Variants in AADAC observed in about 807,000 individuals in gnomAD.
AADAC encodes the protein arylacetamide deacetylase, also known as arylacetamide deacetylase (esterase).
Under a neutral mutation model 22.7 loss-of-function variants are expected in AADAC, and 17 were observed. That is an observed-to-expected ratio of 0.75 (90% CI 0.51 to 1.12). The LOEUF (loss-of-function observed/expected upper bound fraction) is 1.12, where lower values mean the gene tolerates loss of function less well. AADAC is among the 50% of genes most tolerant of loss of function. The pLI, the probability that AADAC is intolerant of heterozygous loss-of-function variation, is 0.00. For missense variants in AADAC, 465 were observed against 473.9 expected (o/e 0.98, Z 0.17); for synonymous variants, 167 against 176.3 (o/e 0.95, Z 0.42).
At position 151,826,021 on chromosome 3, in the gene AADAC, T is replaced by C. The variant is rs1370252885; in HGVS notation, c.603+1187T>C. ...TGTAGAAGGTTAGATTTTTATTAGT[T>C]GACTTTAGTTACAAACGAGGGTTCT... On this transcript the variant is annotated intron_variant, in intron 4 of 4. Transcript: ENST00000232892. Among the ~76,000 whole-genome samples the C allele has an allele frequency of 2.0e-5, 3 of 151,956 alleles. No homozygotes were observed. The East Asian group carries it at 5.8e-4, about 29-fold the overall frequency.
chr3:151,820,446 C>A lies in AADAC; in HGVS notation c.425C>A (p.Ser142Ter). 1.3e-6 allele frequency: 2 copies of A among 1,571,822 alleles called. No individual in the cohort carries two copies. The highest frequency in any genetic ancestry group is 1.2e-5 in the South Asian group (1 of 86,094). ...TADRLDAVVVSTNYRLAPKYH... is the reference protein window; with the variant it reads ...TADRLDAVVV The stretch of plus-strand genomic sequence containing the variant: ...GACAGACTTGATGCTGTCGTCGTAT[C>A]AACCAAGTAAGAGCTGTGCTGTTTG... Residue 142 changes from serine (S) to a stop codon, truncating the protein, a stop_gained, in exon 3 of 5, where the codon TCA (serine) becomes TAA (stop). Transcript: ENST00000232892. LOFTEE classifies it high-confidence loss of function.
At position 151,814,275 on chromosome 3, in the gene AADAC, C is replaced by T. The variant is rs1027318658; in HGVS notation, c.113C>T (p.Ala38Val). The T allele has an allele frequency of 6.2e-7, 1 of 1,613,026 alleles. No individual in the cohort carries two copies. Among genetic ancestry groups the T allele is most frequent in the Middle Eastern group, 1.6e-4 (1 of 6,062 alleles). The change falls in exon 1 of 5, where the codon GCA becomes GTA. Residue 38 changes from alanine (A) to valine (V), a missense_variant. By Grantham distance (64) the Ala-to-Val change is moderately conservative. Transcript: ENST00000232892. ...CCATGGAGAATGATGTGGATAAACGCACATCTGAAAACTATACAAAATTTG... is the reference window on the plus strand; with the variant it reads ...CCATGGAGAATGATGTGGATAAACGTACATCTGAAAACTATACAAAATTTG... ...EEPWRMMWIN[A>V]HLKTIQNLAT...
Position 151,814,227 on chromosome 3 carries a change from C to T in AADAC, c.65C>T (p.Pro22Leu), listed in dbSNP as rs1045743923. ...GILIAYYIYT[P>L]LPDNVEEPWR... The stretch of plus-strand genomic sequence containing the variant: ...CTCATAGCATATTATATTTATACGC[C>T]TCTCCCAGATAACGTTGAGGAGCCA... The change falls in exon 1 of 5, where the codon CCT becomes CTT. Residue 22 changes from proline (P) to leucine (L), a missense_variant. Pro to Leu is a moderately conservative substitution (Grantham distance 98). Coordinates refer to ENST00000232892, the MANE Select transcript of AADAC (RefSeq NM_001086.3). 4 of 1,612,938 alleles carry T rather than the reference C, an allele frequency of 2.5e-6. No homozygotes were observed. The highest frequency in any genetic ancestry group is 2.7e-5 in the African/African-American group (2 of 74,846).
chr3:151,826,762 A>G (rs1001269768), intron 4 of AADAC, among the ~76,000 whole-genome samples: 4 of 151,916 alleles, frequency 2.6e-5, no homozygotes, highest in African/African-American at 9.7e-5. Context: ...AACAGACTTG[A>G]TATAAAAGAT....
chr3:151,824,517 G>C, intron 3 of AADAC, 146 bp from the exon 4 acceptor site: 1 of 505,606 alleles, frequency 2.0e-6, no homozygotes. Flanking sequence ...GAAAATTAAA[G>C]AAATTATATA....
intron 1 of AADAC, 126 bp downstream of exon 1, chr3:151,814,426 C>G (rs1715895851): frequency 9.9e-7 from 1 of 1,013,374 alleles, no homozygotes; most frequent in African/African-American, 1.6e-5. Flanking sequence ...CTGCTGTGGC[C>G]TTTGACAATG....
Position 151,814,278 on chromosome 3 carries a change from A to C in AADAC, c.116A>C (p.His39Pro). The C allele has an allele frequency of 2.5e-6, 4 of 1,612,286 alleles. No individual in the cohort carries two copies. Among genetic ancestry groups the C allele is most frequent in the Non-Finnish European group, 3.4e-6 (4 of 1,179,158 alleles). ...TGGAGAATGATGTGGATAAACGCAC[A>C]TCTGAAAACTATACAAAATTTGGTA... Reference protein sequence around the residue: ...EPWRMMWINAHLKTIQNLATF... With the variant: ...EPWRMMWINAPLKTIQNLATF... The change falls in exon 1 of 5, where the codon CAT (histidine) becomes CCT (proline). Residue 39 changes from histidine to proline, a missense_variant. Coordinates refer to ENST00000232892, the MANE Select transcript of AADAC (RefSeq NM_001086.3).
chr3:151,827,903 T>C lies in AADAC; in HGVS notation c.931T>C (p.Tyr311His). The C allele has an allele frequency of 1.2e-6, 2 of 1,611,738 alleles. No homozygotes were observed. Among genetic ancestry groups the C allele is most frequent in the Non-Finnish European group, 8.5e-7 (1 of 1,178,932 alleles). Residue 311 changes from tyrosine to histidine, a missense_variant, in exon 5 of 5, where the codon TAT becomes CAT. Physicochemically the swap from Tyr to His is moderately conservative, Grantham distance 83. Transcript: ENST00000232892. ...TGGCAGTTCTGAGCTGGCTAAAAAA[T>C]ATCCAGGGTTCCTAGATGTGAGGGC... is the stretch of plus-strand genomic sequence containing the variant. Reference protein sequence around the residue: ...NYGSSELAKKYPGFLDVRAAP... With the variant: ...NYGSSELAKKHPGFLDVRAAP...
At chr3:151,821,937 T>C (rs1256573042) in intron 3 of AADAC, among the ~76,000 whole-genome samples, 1 of 151,756 alleles carries the variant, frequency 6.6e-6, no homozygotes, top group African/African-American at 2.4e-5. Flanking sequence ...AAAATATACT[T>C]TAAAATATTT....
intron 4 of AADAC, among the ~76,000 whole-genome samples, chr3:151,826,827 T>C (rs916831053): frequency 6.6e-6 from 1 of 151,980 alleles, no homozygotes; most frequent in Admixed American, 6.6e-5. Context: ...TAAAGTAACA[T>C]GTCGCTTTAG....
chr3:151,822,176 T>C (rs1400899133), intron 3 of AADAC, among the ~76,000 whole-genome samples: 2 of 151,882 alleles, frequency 1.3e-5, no homozygotes, highest in Non-Finnish European at 2.9e-5. Flanking sequence ...TTTAAAAAGA[T>C]AATAACAAGC....
intron 4 of AADAC, among the ~76,000 whole-genome samples, chr3:151,827,293 ACTTT>A (rs1338497944): frequency 6.6e-6 from 1 of 151,992 alleles, no homozygotes; most frequent in Non-Finnish European, 1.5e-5. Flanking sequence ...AAGGAGATTA[ACTTT>A]CTAATGATCA....
In AADAC at chr3:151,828,041, C is replaced by T. The variant is rs570844862; in HGVS notation, c.1069C>T (p.Arg357Cys). ...TGGACTCATGTATGTCACCCGACTT[C>T]GCAACACTGGGGTTCAGGTGACTCA... ...DDGLMYVTRL[R>C]NTGVQVTHNH... The change falls in exon 5 of 5, where the codon CGC (arginine) becomes TGC (cysteine). Residue 357 changes from arginine to cysteine, a missense_variant. Coordinates refer to ENST00000232892, the MANE Select transcript of AADAC (RefSeq NM_001086.3). 2.3e-5 allele frequency: 37 copies of T among 1,613,254 alleles called. No individual in the cohort carries two copies. Among genetic ancestry groups the T allele is most frequent in the Middle Eastern group, 1.7e-4 (1 of 6,060 alleles).
intron 3 of AADAC, among the ~76,000 whole-genome samples, chr3:151,823,799 A>C (rs893611732): frequency 5.3e-5 from 8 of 152,024 alleles, no homozygotes; most frequent in African/African-American, 1.7e-4. Context: ...GCCCCAAAAA[A>C]CATGTACTAG....
At chr3:151,815,971 A>G (rs532055398) in intron 1 of AADAC, among the ~76,000 whole-genome samples, 1 of 152,036 alleles carries the variant, frequency 6.6e-6, no homozygotes, top group Non-Finnish European at 1.5e-5. Context: ...ATCCTGGTAA[A>G]TATCATTTAC....
At chr3:151,823,168 C>T (rs558130665) in intron 3 of AADAC, among the ~76,000 whole-genome samples, 12 of 151,762 alleles carry the variant, frequency 7.9e-5, no homozygotes, top group African/African-American at 2.9e-4. Context: ...ATCCCAGCTA[C>T]GCGGGAGGCT....
intron 4 of AADAC, among the ~76,000 whole-genome samples, chr3:151,825,364 G>A (rs1357947040): frequency 6.6e-6 from 1 of 151,882 alleles, no homozygotes; most frequent in Non-Finnish European, 1.5e-5. Context: ...CTGTACTCCA[G>A]CCTGGGTGAC....
At chr3:151,816,034 A>G (rs1229431207) in intron 1 of AADAC, among the ~76,000 whole-genome samples, 1 of 152,032 alleles carries the variant, frequency 6.6e-6, no homozygotes, top group African/African-American at 2.4e-5. Flanking sequence ...CACTTTCCTC[A>G]TATCTGACAT....
At chr3:151,827,503 G>A in intron 4 of AADAC, 73 bp from the exon 5 acceptor site, 1 of 931,042 alleles carries the variant, frequency 1.1e-6, no homozygotes, top group Non-Finnish European at 1.6e-6. Flanking sequence ...TAGATAGACA[G>A]ATAGATAATC....
Sources: allele counts gnomAD v4.1 joint callset (sites outside exome capture counted in the v4.1 genomes callset), GRCh38; gene constraint gnomAD v4.1.1; transcripts MANE v1.5; gene names NCBI Gene and HGNC (gene_info 2026-07-23, HGNC 2026-07-21).